Variants in UAP1 observed in about 807,000 individuals in gnomAD.
UAP1 encodes the protein UDP-N-acetylhexosamine pyrophosphorylase.
Under a neutral mutation model 58.5 loss-of-function variants are expected in UAP1, and 25 were observed. The observed-to-expected ratio is 0.43, with a 90% CI of 0.31 to 0.60. The LOEUF is 0.60. Among genes scored for constraint, UAP1 ranks in the 20% least tolerant of loss-of-function variants. The pLI, the probability that UAP1 is intolerant of heterozygous loss-of-function variation, is 0.11. For synonymous variants in UAP1, 208 were observed against 213.0 expected, an observed-to-expected ratio of 0.98 and a Z score of 0.21; for missense variants, 575 against 630.0, an observed-to-expected ratio of 0.91 and a Z score of 0.93.
intron 10 of UAP1, 66 bp from the exon 11 acceptor site, chr1:162,599,205 G>A: frequency 3.1e-6 from 3 of 969,480 alleles, no homozygotes; most frequent in Non-Finnish European, 4.7e-6. Context: ...CATCATTATA[G>A]CAAGTCCAGC....
At chr1:162,582,506 T>C (rs190904825) in intron 5 of UAP1, among the ~76,000 whole-genome samples, 128 of 152,300 alleles carry the variant, frequency 8.4e-4, no homozygotes, top group Non-Finnish European at 1.5e-3. Context: ...GCATTTTGAC[T>C]CAGTGGAGGA....
exon 2 of UAP1, chr1:162,566,286 C>T (rs1461506511): frequency 6.2e-7 from 1 of 1,614,140 alleles, no homozygotes; most frequent in Admixed American, 1.7e-5. Context: ...GAACCTGTGC[C>T]TCGAGAGGTA....
rs527504511 is a variant in UAP1, at chr1:162,565,342, TA to T, written c.-57-669del. 1.5e-3 allele frequency among the ~76,000 whole-genome samples: 230 copies of T among 152,362 alleles called. 1 individual carries two copies. The highest frequency in any genetic ancestry group is 2.8e-3 in the Non-Finnish European group (190 of 68,042). The stretch of plus-strand genomic sequence containing the variant: ...TATATTATCACAGAATATAGCTCTT[TA>T]GAAAACATTTGTCTTATTCACTGAT... On this transcript the variant is annotated intron_variant, in intron 1 of 10. Transcript: ENST00000271469.
At chr1:162,571,174 G>A (rs543295480) in intron 2 of UAP1, among the ~76,000 whole-genome samples, 42 of 151,550 alleles carry the variant, frequency 2.8e-4, no homozygotes, top group African/African-American at 9.5e-4. Context: ...CGTTGCCCAG[G>A]CTGGAGTGCA....
exon 4 of UAP1, chr1:162,579,440 C>T (rs1654445396): frequency 1.3e-6 from 2 of 1,574,154 alleles, no homozygotes; most frequent in Non-Finnish European, 1.7e-6. Context: ...ATATAATGAC[C>T]AGTGGCAGAA....
At chr1:162,578,844 T>G (rs1654374605) in intron 3 of UAP1, among the ~76,000 whole-genome samples, 1 of 152,184 alleles carries the variant, frequency 6.6e-6, no homozygotes, top group African/African-American at 2.4e-5. Context: ...AAAAATCCCT[T>G]CTTATATGTA....
intron 3 of UAP1, 92 bp downstream of exon 3, chr1:162,577,073 T>C (rs12129762): frequency 0.055 from 67,154 of 1,222,764 alleles, 2,485 homozygotes; most frequent in South Asian, 0.15. Context: ...CACAGACATA[T>C]TTCTTGTTAC....
chr1:162,588,003 T>C (rs2101813661), intron 6 of UAP1: 1 of 186,762 alleles, frequency 5.4e-6, no homozygotes, highest in African/African-American at 2.3e-5. Flanking sequence ...TTTTTAAAAA[T>C]ACAGATGTTC....
exon 3 of UAP1, chr1:162,576,843 T>C: frequency 6.2e-7 from 1 of 1,614,152 alleles, no homozygotes; most frequent in Non-Finnish European, 8.5e-7. Flanking sequence ...GGGACAAGAC[T>C]CGGCGTTGCA....
intron 2 of UAP1, 46 bp downstream of exon 2, chr1:162,566,394 A>G: frequency 6.4e-7 from 1 of 1,555,738 alleles, no homozygotes; most frequent in Non-Finnish European, 8.7e-7. Flanking sequence ...TTTGAGATAT[A>G]CTAAAATTGT....
At chr1:162,598,616 CT>C (rs1655749649) in intron 10 of UAP1, among the ~76,000 whole-genome samples, 1 of 152,098 alleles carries the variant, frequency 6.6e-6, no homozygotes, top group Non-Finnish European at 1.5e-5. Context: ...ACTTTTAAAA[CT>C]TGGGGATTTA....
chr1:162,566,639 T>C (rs1653528315), intron 2 of UAP1, among the ~76,000 whole-genome samples: 1 of 152,110 alleles, frequency 6.6e-6, no homozygotes, highest in African/African-American at 2.4e-5. Flanking sequence ...AATTTTTTTT[T>C]TTTTTAAGAC....
At chr1:162,593,147 G>A in intron 9 of UAP1, 1 of 239,380 alleles carries the variant, frequency 4.2e-6, no homozygotes, top group East Asian at 9.3e-5. Flanking sequence ...CTGAAGATGT[G>A]TCTTGTGGAA....
chr1:162,564,370 A>G (rs879494606), intron 1 of UAP1, among the ~76,000 whole-genome samples: 41 of 152,200 alleles, frequency 2.7e-4, no homozygotes, highest in Admixed American at 9.8e-4. Context: ...TTAGCCTAGA[A>G]TTGTGCTCTG....
At chr1:162,566,164 A>G (rs769708955) in exon 2 of UAP1, 2 of 1,614,060 alleles carry the variant, frequency 1.2e-6, no homozygotes, top group East Asian at 2.2e-5. Context: ...AACAGGTAGA[A>G]CTTTATGCAG....
At position 162,583,146 on chromosome 1, in the gene UAP1, CT is replaced by C. The variant is rs11376471; in HGVS notation, c.834+1711del. 1.7e-3 allele frequency among the ~76,000 whole-genome samples: 115 copies of C among 68,038 alleles called. No individual in the cohort carries two copies. The East Asian group carries it at 0.041, about 24-fold the overall frequency. The allele number at this position is 68,038 out of a possible 152,430, so 44.6% of individuals were successfully genotyped here. ...CACACGCCTTCCACTTGGTGTCACT[CT>C]TTTTTTTTTTTTTTTTTTTTTTTGA... On this transcript the variant is annotated intron_variant, in intron 5 of 10. Coordinates refer to ENST00000271469, the Ensembl canonical transcript of UAP1.
intron 10 of UAP1, among the ~76,000 whole-genome samples, 171 bp from the exon 11 acceptor site, chr1:162,599,100 A>C (rs184572347): frequency 6.6e-6 from 1 of 152,182 alleles, no homozygotes; most frequent in African/African-American, 2.4e-5. Flanking sequence ...ATGCTTTTAC[A>C]AGTCAGTCAT....
chr1:162,599,162 A>T (rs1365186805), intron 10 of UAP1, 109 bp from the exon 11 acceptor site: 1 of 603,958 alleles, frequency 1.7e-6, no homozygotes, highest in Admixed American at 3.2e-5. Context: ...TATATTCTGC[A>T]TCTCAACCTT....
At chr1:162,581,125 AT>A (rs979487226) in intron 4 of UAP1, among the ~76,000 whole-genome samples, 161 bp from the exon 5 acceptor site, 1 of 152,140 alleles carries the variant, frequency 6.6e-6, no homozygotes. Flanking sequence ...CTATAGTTCA[AT>A]TTTTTTGACA....
Sources: allele counts gnomAD v4.1 joint callset (sites outside exome capture counted in the v4.1 genomes callset), GRCh38; gene constraint gnomAD v4.1.1; transcripts MANE v1.5; gene names NCBI Gene and HGNC (gene_info 2026-07-23, HGNC 2026-07-21).